PPARD: variants seen among roughly 807,000 people sequenced by gnomAD.
PPARD encodes the protein peroxisome proliferator-activated receptor delta.
A neutral mutation model predicts 39.5 loss-of-function variants in PPARD; 6 were observed. The observed-to-expected ratio is 0.15, with a 90% CI of 0.08 to 0.30. The LOEUF (loss-of-function observed/expected upper bound fraction) is 0.30. Among genes scored for constraint, PPARD ranks in the 10% least tolerant of loss-of-function variants. The pLI is 1.00. For missense variants in PPARD, 397 were observed against 596.8 expected, an observed-to-expected ratio of 0.67 and a Z score of 3.49; for synonymous variants, 210 against 231.3, an observed-to-expected ratio of 0.91 and a Z score of 0.83.
In PPARD at chr6:35,363,718, G is replaced by A. The variant is rs373116863; in HGVS notation, c.-102+16568G>A. Among the ~76,000 whole-genome samples, 21 of 152,270 alleles carry A rather than the reference G, an allele frequency of 1.4e-4. No individual in the cohort carries two copies. In the East Asian group the frequency reaches 2.3e-3, roughly 17 times the overall value. ...AAGTGCCAGGGGACACAAAAATGGGGGAGACAGGCAGCCTTTTGGGGCTGG... is the reference window on the plus strand; with the variant it reads ...AAGTGCCAGGGGACACAAAAATGGGAGAGACAGGCAGCCTTTTGGGGCTGG... On this transcript the variant is annotated intron_variant, in intron 2 of 7. Coordinates refer to ENST00000360694, the MANE Select transcript of PPARD (RefSeq NM_006238.5). This position sits in a 1 kb window ranked among gnomAD's most constrained non-coding sequence, Gnocchi z 4.5.
chr6:35,403,393 G>A (rs766126323), intron 2 of PPARD, among the ~76,000 whole-genome samples: 5 of 152,216 alleles, frequency 3.3e-5, no homozygotes, highest in Non-Finnish European at 5.9e-5. Flanking sequence ...TAGGATGGGA[G>A]GGATGAGCCA....
intron 2 of PPARD, among the ~76,000 whole-genome samples, chr6:35,384,008 C>T (rs1372704845): frequency 0.022 from 2,937 of 131,944 alleles, no homozygotes; most frequent in African/African-American, 0.099. Context: ...AGCCCCACGC[C>T]CCGCCAGCCG....
At position 35,424,145 on chromosome 6, in the gene PPARD, G is replaced by A. The variant is rs138479838; in HGVS notation, c.624G>A (p.Thr208=). ...RSILTGKASH[T]APFVIHDIET... ...TCCTCACCGGCAAAGCCAGCCACAC[G>A]GCGGTGAGTGTTGCTGCTGCTTGGC... is the stretch of plus-strand genomic sequence containing the variant. The change falls in exon 6 of 8, where the codon ACG becomes ACA. Residue 208 remains threonine, a synonymous_variant. Coordinates refer to ENST00000360694, the MANE Select transcript of PPARD (RefSeq NM_006238.5). The surrounding 1 kb of genome is among the most constrained non-coding windows in gnomAD (Gnocchi z 7.1). 1.2e-3 allele frequency: 1,866 copies of A among 1,612,344 alleles called. 2 individuals are homozygous for A. Among genetic ancestry groups the A allele is most frequent in the Non-Finnish European group, 1.2e-3 (1,473 of 1,180,000 alleles).
chr6:35,356,198 A>T (rs558950219), intron 2 of PPARD, among the ~76,000 whole-genome samples: 1 of 152,050 alleles, frequency 6.6e-6, no homozygotes, highest in Non-Finnish European at 1.5e-5. Flanking sequence ...CTAACAGCTG[A>T]TTTTCATTGC....
intron 2 of PPARD, among the ~76,000 whole-genome samples, chr6:35,362,644 T>C (rs6902123): frequency 0.23 from 35,180 of 151,992 alleles, 9,057 homozygotes; most frequent in African/African-American, 0.64. Flanking sequence ...GGGTCCCTGG[T>C]GCTGTCTTGA....
intron 2 of PPARD, among the ~76,000 whole-genome samples, chr6:35,347,388 C>T (rs1470798435): frequency 6.6e-6 from 1 of 152,226 alleles, no homozygotes; most frequent in East Asian, 1.9e-4. Context: ...CCTTTGCGCC[C>T]ATTAAAAGAT....
intron 2 of PPARD, among the ~76,000 whole-genome samples, chr6:35,395,131 G>C (rs1220871239): frequency 1.3e-5 from 2 of 152,202 alleles, no homozygotes; most frequent in Non-Finnish European, 2.9e-5. Flanking sequence ...CAGATGCATT[G>C]AACTGCCTTA....
In PPARD at chr6:35,353,450, C is replaced by A. The variant is rs769668551; in HGVS notation, c.-102+6300C>A. On this transcript the variant is annotated intron_variant, in intron 2 of 7. Transcript: ENST00000360694. The stretch of plus-strand genomic sequence containing the variant: ...ATCCCTACCCCATATCCATTTAGGG[C>A]TGTTGATGCACAGGAGAGATTAAGA... 3.3e-5 allele frequency among the ~76,000 whole-genome samples: 5 copies of A among 152,176 alleles called. No homozygotes were observed. In the South Asian group the frequency reaches 1.0e-3, roughly 32 times the overall value.
chr6:35,367,833 C>A (rs984034882), intron 2 of PPARD, among the ~76,000 whole-genome samples: 1 of 152,236 alleles, frequency 6.6e-6, no homozygotes, highest in Non-Finnish European at 1.5e-5. Context: ...CCTGGGCTCA[C>A]GTCCCAGAAC....
At chr6:35,349,082 G>T in intron 2 of PPARD, 1 of 930,848 alleles carries the variant, frequency 1.1e-6, no homozygotes, top group Non-Finnish European at 1.3e-6. Flanking sequence ...CTGGAGTGCA[G>T]TGGCGCGATC....
At chr6:35,400,984 T>A (rs953041853) in intron 2 of PPARD, among the ~76,000 whole-genome samples, 5 of 152,054 alleles carry the variant, frequency 3.3e-5, no homozygotes, top group African/African-American at 1.2e-4. Flanking sequence ...ATTGGCCTCA[T>A]GCCAAGCAGT....
intron 3 of PPARD, among the ~76,000 whole-genome samples, chr6:35,411,761 C>T (rs1348265772): frequency 6.6e-6 from 1 of 152,202 alleles, no homozygotes; most frequent in Non-Finnish European, 1.5e-5. Flanking sequence ...GTTGTAGCTT[C>T]TCCTGTCTCA....
intron 2 of PPARD, among the ~76,000 whole-genome samples, chr6:35,398,273 G>T (rs759868462): frequency 4.3e-4 from 65 of 152,284 alleles, no homozygotes; most frequent in Middle Eastern, 3.4e-3. Context: ...AGTAATCCAG[G>T]CAGGAGATGG....
intron 2 of PPARD, among the ~76,000 whole-genome samples, chr6:35,356,740 TA>T (rs1326315873): frequency 1.3e-5 from 2 of 152,220 alleles, no homozygotes; most frequent in East Asian, 1.9e-4. Context: ...AAATGTCTCC[TA>T]GGGGGCAAAA....
At position 35,425,336 on chromosome 6, in the gene PPARD, T is replaced by G; in HGVS notation, c.1079-496T>G. 1 of 1,004,602 alleles carries G rather than the reference T, an allele frequency of 1.0e-6. No individual in the cohort carries two copies. Among genetic ancestry groups the G allele is most frequent in the Non-Finnish European group, 1.2e-6 (1 of 841,038 alleles). The allele number at this position is 1,004,602 out of a possible 1,614,324, so 62.2% of individuals were successfully genotyped here. On this transcript the variant is annotated intron_variant, in intron 7 of 7. Transcript: ENST00000360694. The surrounding 1 kb of genome is among the most constrained non-coding windows in gnomAD (Gnocchi z 4.5). Reference sequence around the variant, plus strand: ...ATGTTAATGTGGGGTGGAAAAATTGTCTGCATTTTTTCTGCATTTTTAAAA... The same window carrying G: ...ATGTTAATGTGGGGTGGAAAAATTGGCTGCATTTTTTCTGCATTTTTAAAA...
chr6:35,353,502 A>G (rs1400821002), intron 2 of PPARD, among the ~76,000 whole-genome samples: 1 of 152,238 alleles, frequency 6.6e-6, no homozygotes, highest in Non-Finnish European at 1.5e-5. Context: ...AGGCAACTAA[A>G]TTTAGGTTTT....
Position 35,424,325 on chromosome 6 carries a change from T to G in PPARD, c.628-4T>G. On this transcript the variant is annotated splice_region_variant and splice_polypyrimidine_tract_variant and intron_variant, in intron 6 of 7. Transcript: ENST00000360694. The surrounding 1 kb of genome is among the most constrained non-coding windows in gnomAD (Gnocchi z 7.1). ...CCTGATCTCTAACGGGGCCTGGTTT[T>G]CAGCCCTTTGTGATCCACGACATCG... is the stretch of plus-strand genomic sequence containing the variant. 1 of 1,609,932 alleles carries G rather than the reference T, an allele frequency of 6.2e-7. No homozygotes were observed. The highest frequency in any genetic ancestry group is 8.5e-7 in the Non-Finnish European group (1 of 1,176,468).
chr6:35,349,315 G>A (rs1761093437), intron 2 of PPARD, among the ~76,000 whole-genome samples: 1 of 152,042 alleles, frequency 6.6e-6, no homozygotes, highest in Admixed American at 6.5e-5. Context: ...GTGAGCCACC[G>A]CGCCCGGCCT....
At chr6:35,372,552 C>T (rs1166886780) in intron 2 of PPARD, among the ~76,000 whole-genome samples, 3 of 152,202 alleles carry the variant, frequency 2.0e-5, no homozygotes, top group Non-Finnish European at 4.4e-5. Flanking sequence ...GGATCCCAAG[C>T]TTGGATGAGT....
Sources: allele counts gnomAD v4.1 joint callset (sites outside exome capture counted in the v4.1 genomes callset), GRCh38; gene constraint gnomAD v4.1.1; non-coding constraint Gnocchi (gnomAD v3.1); transcripts MANE v1.5; gene names NCBI Gene and HGNC (gene_info 2026-07-23, HGNC 2026-07-21).